MRPL13: variants seen among roughly 807,000 people sequenced by gnomAD.
The protein encoded by MRPL13 is large ribosomal subunit protein uL13m.
Under a neutral mutation model 29.0 loss-of-function variants are expected in MRPL13, and 33 were observed. The ratio of observed to expected loss-of-function variants is 1.14; its 90% CI spans 0.86 to 1.52. MRPL13 has a LOEUF of 1.52. Ranked by LOEUF, MRPL13 falls within the 40% of genes most tolerant of loss-of-function variation. MRPL13 has a pLI of 0.00. For missense variants in MRPL13, 227 were observed against 216.7 expected, an observed-to-expected ratio of 1.05 and a Z score of -0.30; for synonymous variants, 77 against 68.4, an observed-to-expected ratio of 1.13 and a Z score of -0.62.
chr8:120,420,477 A>AAT (rs2130468465), intron 4 of MRPL13, among the ~76,000 whole-genome samples: 1 of 147,590 alleles, frequency 6.8e-6, no homozygotes, highest in African/African-American at 2.5e-5. Context: ...AACATATATA[A>AAT]ATATATATAA....
At chr8:120,440,150 A>AT (rs999295444) in intron 2 of MRPL13, among the ~76,000 whole-genome samples, 2 of 152,056 alleles carry the variant, frequency 1.3e-5, no homozygotes, top group Admixed American at 6.5e-5. Flanking sequence ...CATGAACACT[A>AT]TTTTTTTTAA....
chr8:120,425,353 A>G lies in MRPL13; in HGVS notation c.259T>C (p.Phe87Leu), dbSNP rs757449945. 6.2e-7 allele frequency: 1 copy of G among 1,612,412 alleles called. No individual in the cohort carries two copies. Reference sequence around the variant, plus strand: ...AGCTGAGCAGCTGTTACTTGTCTAAATCCACCTGGGTAGCTGTTAAAAGGA... The same window carrying G: ...AGCTGAGCAGCTGTTACTTGTCTAAGTCCACCTGGGTAGCTGTTAAAAGGA... ...YSSHTGYPGG[F>L]RQVTAAQLHL... The change falls in exon 4 of 7, where the codon TTT becomes CTT. Residue 87 changes from phenylalanine to leucine, a missense_variant. Coordinates refer to ENST00000306185, the MANE Select transcript of MRPL13 (RefSeq NM_014078.6).
chr8:120,410,081 C>G (rs1482344749), intron 6 of MRPL13, among the ~76,000 whole-genome samples: 1 of 152,072 alleles, frequency 6.6e-6, no homozygotes, highest in Non-Finnish European at 1.5e-5. Flanking sequence ...AGCTTTTAGT[C>G]TCTAATAGAA....
At chr8:120,409,986 T>G (rs767834495) in intron 6 of MRPL13, among the ~76,000 whole-genome samples, 44 of 152,188 alleles carry the variant, frequency 2.9e-4, no homozygotes, top group Non-Finnish European at 5.4e-4. Flanking sequence ...ATCCCAACAA[T>G]GCTAGCTTTT....
At chr8:120,403,461 G>T (rs900970846) in intron 6 of MRPL13, among the ~76,000 whole-genome samples, 1 of 151,982 alleles carries the variant, frequency 6.6e-6, no homozygotes, top group Non-Finnish European at 1.5e-5. Flanking sequence ...CATGGGGTTG[G>T]GGGGAACAAC....
At chr8:120,432,251 C>T in intron 2 of MRPL13, 128 bp from the exon 3 acceptor site, 1 of 544,926 alleles carries the variant, frequency 1.8e-6, no homozygotes, top group African/African-American at 2.0e-5. Flanking sequence ...AGTTACAGTG[C>T]AACATCAAAA....
chr8:120,401,778 A>G (rs1272318677), intron 6 of MRPL13, among the ~76,000 whole-genome samples: 1 of 152,216 alleles, frequency 6.6e-6, no homozygotes, highest in Non-Finnish European at 1.5e-5. Context: ...AAGCTTCTTA[A>G]GCTGATAAGC....
chr8:120,427,732 G>C (rs1297850408), intron 3 of MRPL13, among the ~76,000 whole-genome samples: 1 of 152,096 alleles, frequency 6.6e-6, no homozygotes, highest in Non-Finnish European at 1.5e-5. Flanking sequence ...GGAAGGCTGA[G>C]GTGTGAGGAC....
chr8:120,444,824 C>T (rs1813182713), intron 1 of MRPL13: 2 of 550,516 alleles, frequency 3.6e-6, no homozygotes, highest in South Asian at 3.9e-5. Flanking sequence ...CTCTAATCCT[C>T]TTCCCCCCGC....
At chr8:120,444,574 G>T (rs965401774) in intron 1 of MRPL13, among the ~76,000 whole-genome samples, 1 of 152,004 alleles carries the variant, frequency 6.6e-6, no homozygotes, top group Non-Finnish European at 1.5e-5. Flanking sequence ...ATCACGTCTC[G>T]CCTGGATTAC....
chr8:120,430,577 A>G (rs1050672437), intron 3 of MRPL13, among the ~76,000 whole-genome samples: 1 of 152,176 alleles, frequency 6.6e-6, no homozygotes, highest in African/African-American at 2.4e-5. Context: ...GTATCCCAGA[A>G]ACTGTGACAT....
chr8:120,414,189 G>A, intron 5 of MRPL13, 77 bp from the exon 6 acceptor site: 2 of 602,452 alleles, frequency 3.3e-6, no homozygotes, highest in Admixed American at 1.1e-4. Context: ...CTTCATAAGT[G>A]TTAAAAAAAT....
At chr8:120,441,337 T>C (rs1401101591) in intron 2 of MRPL13, among the ~76,000 whole-genome samples, 1 of 152,132 alleles carries the variant, frequency 6.6e-6, no homozygotes, top group East Asian at 1.9e-4. Context: ...ATATAGATGA[T>C]TTTTAGATAC....
chr8:120,410,240 A>T (rs1812725329), intron 6 of MRPL13, among the ~76,000 whole-genome samples: 1 of 152,216 alleles, frequency 6.6e-6, no homozygotes, highest in Non-Finnish European at 1.5e-5. Context: ...TTGTGGCGCA[A>T]TGCAGGTACA....
intron 4 of MRPL13, among the ~76,000 whole-genome samples, chr8:120,420,883 A>C (rs935925273): frequency 2.6e-5 from 4 of 151,998 alleles, no homozygotes; most frequent in Admixed American, 2.6e-4. Context: ...TTGGTATTTT[A>C]AAAATCTGCC....
chr8:120,414,035 C>T lies in MRPL13; in HGVS notation c.471G>A (p.Glu157=). Reference sequence around the variant, plus strand: ...AGGCGTCTATTTCTTCTTGTGTGTACTCATCTAGACGTTTAGGTATTTTTC... The same window carrying T: ...AGGCGTCTATTTCTTCTTGTGTGTATTCATCTAGACGTTTAGGTATTTTTC... ...QPRKIPKRLD[E]YTQEEIDAFP... is the part of the protein sequence containing the mutation. The change falls in exon 6 of 7, where the codon GAG becomes GAA. Residue 157 remains glutamate, a synonymous_variant. Coordinates refer to ENST00000306185, the MANE Select transcript of MRPL13 (RefSeq NM_014078.6). 1 of 1,595,242 alleles carries T rather than the reference C, an allele frequency of 6.3e-7. No homozygotes were observed. Among genetic ancestry groups the T allele is most frequent in the Non-Finnish European group, 8.5e-7 (1 of 1,172,898 alleles).
Position 120,443,181 on chromosome 8 carries a change from T to G in MRPL13, c.151+4A>C. The G allele has an allele frequency of 6.5e-7, 1 of 1,542,546 alleles. No individual in the cohort carries two copies. Among genetic ancestry groups the G allele is most frequent in the Non-Finnish European group, 8.7e-7 (1 of 1,148,536 alleles). The stretch of plus-strand genomic sequence containing the variant: ...GTTAATGACAGGTCTAAAATAATAC[T>G]TACTCAGTGCATGGTACACAGGTTT... On this transcript the variant is annotated splice_donor_region_variant and intron_variant, in intron 2 of 6. Transcript: ENST00000306185.
intron 2 of MRPL13, among the ~76,000 whole-genome samples, chr8:120,440,349 C>T (rs759763643): frequency 5.0e-4 from 76 of 152,284 alleles, no homozygotes; most frequent in African/African-American, 1.6e-3. Flanking sequence ...TGGTGGCTCA[C>T]GCCTGTAAGC....
At chr8:120,430,735 G>T (rs1812987894) in intron 3 of MRPL13, among the ~76,000 whole-genome samples, 1 of 152,156 alleles carries the variant, frequency 6.6e-6, no homozygotes, top group African/African-American at 2.4e-5. Flanking sequence ...GACTTGTAAA[G>T]GAGTTTGAAT....
Sources: allele counts gnomAD v4.1 joint callset (sites outside exome capture counted in the v4.1 genomes callset), GRCh38; gene constraint gnomAD v4.1.1; transcripts MANE v1.5; gene names NCBI Gene and HGNC (gene_info 2026-07-23, HGNC 2026-07-21).